Variants in ERBB4 observed in about 807,000 individuals in gnomAD.
ERBB4 encodes the protein erb-b2 receptor tyrosine kinase 4, also known as receptor tyrosine-protein kinase erbB-4.
ERBB4 carries 42 observed loss-of-function variants against 158.0 expected under a neutral mutation model. That is an observed-to-expected ratio of 0.27 (90% confidence interval 0.21 to 0.34). ERBB4 has a LOEUF of 0.34. Among genes scored for constraint, ERBB4 ranks in the 10% least tolerant of loss-of-function variants. ERBB4 has a pLI of 1.00. For synonymous variants in ERBB4, 583 were observed against 558.7 expected (o/e 1.04, Z -0.61); for missense variants, 1,333 against 1,624.1 (o/e 0.82, Z 3.08).
At chr2:211,629,102 T>G (rs546305244) in intron 17 of ERBB4, among the ~76,000 whole-genome samples, 121 of 152,088 alleles carry the variant, frequency 8.0e-4, no homozygotes, top group Admixed American at 1.6e-3. Context: ...TTGTAAAAAT[T>G]TTGTCCCTGT....
At chr2:211,564,683 AG>A (rs1038810107) in intron 19 of ERBB4, among the ~76,000 whole-genome samples, 1 of 152,056 alleles carries the variant, frequency 6.6e-6, no homozygotes, top group African/African-American at 2.4e-5. Context: ...TAAAAAAGGG[AG>A]GGGGTGTTAG....
At position 211,722,393 on chromosome 2, in the gene ERBB4, G is replaced by T; in HGVS notation, c.883C>A (p.His295Asn). The change falls in exon 7 of 28, where the codon CAT becomes AAT. Residue 295 changes from histidine (H) to asparagine (N), a missense_variant and splice_region_variant. Physicochemically the swap from His to Asn is moderately conservative, Grantham distance 68. Coordinates refer to ENST00000342788, the MANE Select transcript of ERBB4 (RefSeq NM_005235.3). ...TGGTTATTCTTATTCTGTTACTTAC[G>T]TGGACATTTCTTGACACAGAATGCT... is the stretch of plus-strand genomic sequence containing the variant. ...YGAFCVKKCP[H>N]NFVVDSSSCV... The T allele has an allele frequency of 6.2e-7, 1 of 1,611,178 alleles. No individual in the cohort carries two copies. The highest frequency in any genetic ancestry group is 8.5e-7 in the Non-Finnish European group (1 of 1,177,560).
chr2:211,701,975 T>G lies in ERBB4; in HGVS notation c.1481A>C (p.Glu494Ala). ...RIVIRDNRKAENCTAEGMVCN... is the reference protein window; with the variant it reads ...RIVIRDNRKAANCTAEGMVCN... ...CTGAGTAATGTACTTACTACAATTT[T>G]CAGCTTTTCTGTTGTCCCGGATTAC... Residue 494 changes from glutamate (E) to alanine (A), a missense_variant, in exon 12 of 28, where the codon GAA becomes GCA. Glu to Ala is a moderately radical substitution (Grantham distance 107). Coordinates refer to ENST00000342788, the MANE Select transcript of ERBB4 (RefSeq NM_005235.3). The G allele has an allele frequency of 6.2e-7, 1 of 1,612,404 alleles. No homozygotes were observed. Among genetic ancestry groups the G allele is most frequent in the Non-Finnish European group, 8.5e-7 (1 of 1,178,420 alleles).
At chr2:211,788,289 T>C (rs1384166831) in intron 3 of ERBB4, 130 bp from the exon 4 acceptor site, 1 of 675,444 alleles carries the variant, frequency 1.5e-6, no homozygotes, top group African/African-American at 1.8e-5. Flanking sequence ...AGCCAAGATA[T>C]CTTTTAAAAT....
chr2:211,868,835 T>A (rs2106106869), intron 3 of ERBB4, among the ~76,000 whole-genome samples: 1 of 152,320 alleles, frequency 6.6e-6, no homozygotes, highest in South Asian at 2.1e-4. Context: ...ACTCAATTTT[T>A]CATTGATTTC....
At chr2:211,974,882 A>T (rs1206113907) in intron 2 of ERBB4, among the ~76,000 whole-genome samples, 1 of 152,224 alleles carries the variant, frequency 6.6e-6, no homozygotes. Context: ...GTTGAAATAC[A>T]TGCATTCATG....
intron 2 of ERBB4, among the ~76,000 whole-genome samples, chr2:211,966,189 G>A (rs1286550088): frequency 2.6e-5 from 4 of 152,032 alleles, no homozygotes; most frequent in African/African-American, 9.7e-5. Context: ...ACTCCAGCTT[G>A]GGCAACAGAG....
chr2:211,951,236 T>C (rs1575425554), intron 2 of ERBB4, among the ~76,000 whole-genome samples: 1 of 152,278 alleles, frequency 6.6e-6, no homozygotes. Flanking sequence ...GAAACACATT[T>C]ATAATGTCAA....
At position 211,383,042 on chromosome 2, in the gene ERBB4, T is replaced by C. The variant is rs964014932; in HGVS notation, c.*573A>G. ...AGATTTTTAAATTATGAAAGTTGAG[T>C]TGGCCATTCTTACTTGCTAGGACAG... On this transcript the variant is annotated 3_prime_UTR_variant, in exon 28 of 28. Coordinates refer to ENST00000342788, the MANE Select transcript of ERBB4 (RefSeq NM_005235.3). 1 of 231,710 alleles carries C rather than the reference T, an allele frequency of 4.3e-6. No homozygotes were observed. The highest frequency in any genetic ancestry group is 2.2e-5 in the African/African-American group (1 of 45,128). The allele number at this position is 231,710 out of a possible 1,614,324, so 14.4% of individuals were successfully genotyped here. A position where few individuals can be genotyped will look rare whatever the true frequency, so the allele number is the denominator to read the frequency against.
intron 20 of ERBB4, among the ~76,000 whole-genome samples, chr2:211,557,174 G>A (rs975053872): frequency 3.3e-5 from 5 of 152,004 alleles, no homozygotes; most frequent in Admixed American, 1.3e-4. Context: ...GGAAGACAAC[G>A]TAGACAATAC....
chr2:211,721,620 C>CATATATAT lies in ERBB4; in HGVS notation c.883+765_883+772dup, dbSNP rs71054137. ...TATTTAAGGTTAATTTGCTATTAAA[C>CATATATAT]ATATATATATATATATATATATATA... On this transcript the variant is annotated intron_variant, in intron 7 of 27. Transcript: ENST00000342788. Among the ~76,000 whole-genome samples, 71 of 131,894 alleles carry CATATATAT rather than the reference C, an allele frequency of 5.4e-4. 1 individual carries two copies. Among genetic ancestry groups the CATATATAT allele is most frequent in the Admixed American group, 6.9e-4 (9 of 13,114 alleles). The allele number at this position is 131,894 out of a possible 152,430, so 86.5% of individuals were successfully genotyped here. A position where few individuals can be genotyped will look rare whatever the true frequency, so the allele number is the denominator to read the frequency against.
intron 2 of ERBB4, among the ~76,000 whole-genome samples, chr2:212,078,115 C>T (rs1196974530): frequency 4.6e-5 from 7 of 152,030 alleles, no homozygotes; most frequent in Admixed American, 4.6e-4. Flanking sequence ...TTTAATGTTA[C>T]TTATTTGCAA....
chr2:211,422,297 CTAA>C (rs1022993413), intron 23 of ERBB4, among the ~76,000 whole-genome samples, 193 bp from the exon 24 acceptor site: 2 of 151,814 alleles, frequency 1.3e-5, no homozygotes, highest in African/African-American at 4.8e-5. Context: ...ATATTCATAA[CTAA>C]ATGTAATGTA....
At chr2:211,461,546 C>T (rs1452030408) in intron 20 of ERBB4, among the ~76,000 whole-genome samples, 1 of 151,870 alleles carries the variant, frequency 6.6e-6, no homozygotes, top group Non-Finnish European at 1.5e-5. Flanking sequence ...AATATCTGGC[C>T]TCTAAGAAAA....
intron 1 of ERBB4, among the ~76,000 whole-genome samples, chr2:212,369,321 A>T (rs901054264): frequency 2.0e-5 from 3 of 152,154 alleles, no homozygotes; most frequent in African/African-American, 7.2e-5. Context: ...GGTTCATTGC[A>T]GTCCTCTTCA....
chr2:212,396,346 G>A (rs2091025570), intron 1 of ERBB4, among the ~76,000 whole-genome samples: 2 of 151,938 alleles, frequency 1.3e-5, no homozygotes, highest in African/African-American at 4.8e-5. Flanking sequence ...CCTAACTTAA[G>A]AAGCCATATA....
At chr2:212,257,308 C>A (rs1231575181) in intron 1 of ERBB4, among the ~76,000 whole-genome samples, 2 of 152,088 alleles carry the variant, frequency 1.3e-5, no homozygotes, top group Non-Finnish European at 2.9e-5. Flanking sequence ...TAAGCTTGAA[C>A]TTCATGATAA....
rs542699300 is a variant in ERBB4 at position 211,883,311 on chromosome 2, C to T, written c.421+64119G>A. On this transcript the variant is annotated intron_variant, in intron 3 of 27. Coordinates refer to ENST00000342788, the MANE Select transcript of ERBB4 (RefSeq NM_005235.3). Reference sequence around the variant, plus strand: ...GGGCCCTGTTGTGGGGTGGGTGGAGCGGGGAGGGATAGCATTAGGAGATAT... The same window carrying T: ...GGGCCCTGTTGTGGGGTGGGTGGAGTGGGGAGGGATAGCATTAGGAGATAT... 1.1e-4 allele frequency among the ~76,000 whole-genome samples: 16 copies of T among 151,846 alleles called. No homozygotes were observed. In the East Asian group the frequency reaches 1.9e-3, roughly 18 times the overall value.
At position 211,859,724 on chromosome 2, in the gene ERBB4, AT is replaced by A. The variant is rs369640897; in HGVS notation, c.422-71566del. On this transcript the variant is annotated intron_variant, in intron 3 of 27. Coordinates refer to ENST00000342788, the MANE Select transcript of ERBB4 (RefSeq NM_005235.3). ...TTGGAATTAAAGCAATCTGCTCATTATCTCATATTGGATATGAAAGCTGAAG... is the reference window on the plus strand; with the variant it reads ...TTGGAATTAAAGCAATCTGCTCATTACTCATATTGGATATGAAAGCTGAAG... Among the ~76,000 whole-genome samples, 138 of 152,308 alleles carry A rather than the reference AT, an allele frequency of 9.1e-4. 1 individual carries two copies. Among genetic ancestry groups the A allele is most frequent in the African/African-American group, 3.1e-3 (128 of 41,572 alleles).
Sources: gnomAD v4.1 joint callset for allele counts (sites outside exome capture counted in the v4.1 genomes callset) on GRCh38, gnomAD v4.1.1 for gene constraint, MANE v1.5 for transcripts, NCBI Gene and HGNC (gene_info 2026-07-23, HGNC 2026-07-21) for gene names.